AR: variants seen among roughly 807,000 people sequenced by gnomAD.
AR encodes dihydrotestosterone receptor.
In AR, 8 loss-of-function variants were observed where a neutral mutation model predicts 53.9. The ratio of observed to expected loss-of-function variants is 0.15; its 90% CI spans 0.09 to 0.27. The LOEUF is 0.27. Ranked by LOEUF, AR falls within the 10% of genes least tolerant of loss-of-function variation. The pLI, the probability that AR is intolerant of heterozygous loss-of-function variation, is 1.00. For missense variants in AR, 639 were observed against 742.5 expected (o/e 0.86, Z 1.62); for synonymous variants, 359 against 316.4 (o/e 1.13, Z -1.43).
chrX:67,573,747 A>G (rs1921928317), intron 1 of AR, among the ~76,000 whole-genome samples: 1 of 111,778 alleles, frequency 8.9e-6, no homozygotes, highest in Non-Finnish European at 1.9e-5. Flanking sequence ...ATGGCAAAAT[A>G]ATTTTCCCAG....
chrX:67,668,998 A>G (rs1040291625), intron 2 of AR, among the ~76,000 whole-genome samples: 2 of 111,484 alleles, frequency 1.8e-5, no homozygotes, highest in East Asian at 5.6e-4. Flanking sequence ...CCACAAAACC[A>G]ACTTTTCATT....
intron 2 of AR, among the ~76,000 whole-genome samples, chrX:67,675,073 T>TAG (rs1331069694): frequency 9.0e-6 from 1 of 110,553 alleles, no homozygotes; most frequent in Non-Finnish European, 1.9e-5. Flanking sequence ...GCCCAGTGTG[T>TAG]ATCTAGAAAT....
intron 2 of AR, among the ~76,000 whole-genome samples, chrX:67,660,261 T>A (rs1170476774): frequency 8.9e-5 from 10 of 112,342 alleles, no homozygotes; most frequent in African/African-American, 3.2e-4. Context: ...CCATTGCTTT[T>A]GGTGTTTTAG....
At position 67,632,082 on chromosome X, in the gene AR, C is replaced by T. The variant is rs190830082; in HGVS notation, c.1617-11174C>T. Among the ~76,000 whole-genome samples the T allele has an allele frequency of 2.1e-4, 24 of 112,846 alleles. No individual in the cohort carries two copies. In the East Asian group the frequency reaches 5.6e-3, roughly 27 times the overall value. On this transcript the variant is annotated intron_variant, in intron 1 of 7. Transcript: ENST00000374690. ...ACATTTAAGTCTGCAGAGGTTACTG[C>T]TGTCTTTTTGTTTGTCTATGCCCTG...
chrX:67,673,028 T>C (rs2075875424), intron 2 of AR, among the ~76,000 whole-genome samples: 1 of 108,492 alleles, frequency 9.2e-6, no homozygotes, highest in Non-Finnish European at 1.9e-5. Context: ...CTGGATAGTC[T>C]ATTCTAGGGT....
intron 3 of AR, chrX:67,696,144 T>TC (rs1322022974): frequency 9.4e-5 from 69 of 737,391 alleles, no homozygotes; most frequent in Non-Finnish European, 1.1e-4. Flanking sequence ...TTTTTCTTTT[T>TC]TTTTTTTCCT....
At chrX:67,606,008 G>A (rs1023379996) in intron 1 of AR, among the ~76,000 whole-genome samples, 4 of 112,276 alleles carry the variant, frequency 3.6e-5, no homozygotes, top group African/African-American at 1.3e-4. Context: ...CTGTCTTTTA[G>A]GTGTTTTCAG....
At chrX:67,697,228 AGT>A (rs2076024620) in intron 3 of AR, among the ~76,000 whole-genome samples, 2 of 111,698 alleles carry the variant, frequency 1.8e-5, no homozygotes, top group African/African-American at 6.5e-5. Flanking sequence ...GGATCTGCCA[AGT>A]CTCTCTTATG....
intron 2 of AR, among the ~76,000 whole-genome samples, chrX:67,658,736 CT>C (rs1416097735): frequency 8.9e-6 from 1 of 111,939 alleles, no homozygotes; most frequent in Non-Finnish European, 1.9e-5. Flanking sequence ...AAGTCACCTT[CT>C]TTGGACATTA....
intron 3 of AR, among the ~76,000 whole-genome samples, chrX:67,688,579 C>T (rs1005500655): frequency 1.8e-5 from 2 of 111,384 alleles, no homozygotes; most frequent in Admixed American, 1.9e-4. Flanking sequence ...GGCAGAGAAT[C>T]GCCAGAAAAC....
chrX:67,550,814 CA>C (rs1348338491), intron 1 of AR, among the ~76,000 whole-genome samples: 1 of 109,508 alleles, frequency 9.1e-6, no homozygotes, highest in Non-Finnish European at 1.9e-5. Flanking sequence ...CCACTCCTTT[CA>C]TGTTTTTGAC....
chrX:67,555,315 C>G (rs1602152070), intron 1 of AR, among the ~76,000 whole-genome samples: 1 of 111,649 alleles, frequency 9.0e-6, no homozygotes. Context: ...GATTAAAGAT[C>G]TTGATGTATA....
chrX:67,571,906 A>G (rs983142243), intron 1 of AR, among the ~76,000 whole-genome samples: 2 of 110,502 alleles, frequency 1.8e-5, no homozygotes, highest in African/African-American at 6.6e-5. Context: ...CTTTTGTTGT[A>G]TTGATTTAAA....
chrX:67,569,039 T>A (rs770597408), intron 1 of AR: 2 of 1,206,168 alleles, frequency 1.7e-6, no homozygotes, highest in African/African-American at 1.8e-5. Flanking sequence ...GGTTCTTCAA[T>A]TGAAAACTTA....
intron 1 of AR, among the ~76,000 whole-genome samples, chrX:67,585,873 T>C (rs1922517396): frequency 8.9e-6 from 1 of 112,217 alleles, no homozygotes; most frequent in African/African-American, 3.2e-5. Flanking sequence ...TATAATTTTA[T>C]GTCAGTGCTT....
chrX:67,614,373 A>G (rs1924015710), intron 1 of AR, among the ~76,000 whole-genome samples: 1 of 112,078 alleles, frequency 8.9e-6, no homozygotes, highest in Admixed American at 9.5e-5. Flanking sequence ...AAAAGTCAAC[A>G]AAAATTAAAA....
intron 1 of AR, among the ~76,000 whole-genome samples, chrX:67,630,003 T>C (rs1375912614): frequency 6.3e-5 from 7 of 111,235 alleles, no homozygotes; most frequent in African/African-American, 9.8e-5. Context: ...GTCTGAGAGA[T>C]AGTTTGTTAT....
chrX:67,594,042 T>G (rs1040627039), intron 1 of AR, among the ~76,000 whole-genome samples: 52 of 112,361 alleles, frequency 4.6e-4, no homozygotes, highest in Admixed American at 2.4e-3. Context: ...TCTCCCAGGC[T>G]GGAGTACAGT....
chrX:67,616,238 G>A (rs1924111976), intron 1 of AR, among the ~76,000 whole-genome samples: 1 of 110,831 alleles, frequency 9.0e-6, no homozygotes, highest in Non-Finnish European at 1.9e-5. Context: ...GGGTACATGT[G>A]CAGAATGTGC....
Sources: allele counts gnomAD v4.1 joint callset (sites outside exome capture counted in the v4.1 genomes callset), GRCh38; gene constraint gnomAD v4.1.1; transcripts MANE v1.5; gene names NCBI Gene and HGNC (gene_info 2026-07-23, HGNC 2026-07-21).